The following PITRM1 variants were observed in gnomAD, a reference collection of about 807,000 sequenced individuals.
PITRM1 encodes pitrilysin metallopeptidase 1, also known as presequence protease, mitochondrial.
Under a neutral mutation model 129.9 loss-of-function variants are expected in PITRM1, and 100 were observed. The observed-to-expected ratio is 0.77, with a 90% CI of 0.65 to 0.91. PITRM1 has a LOEUF of 0.91. Among genes scored for constraint, PITRM1 ranks in the 40% least tolerant of loss-of-function variants. The pLI, the probability that PITRM1 is intolerant of heterozygous loss-of-function variation, is 0.00. For missense variants in PITRM1, 1,471 were observed against 1,318.3 expected, an observed-to-expected ratio of 1.12 and a Z score of -1.79; for synonymous variants, 591 against 508.8, an observed-to-expected ratio of 1.16 and a Z score of -2.17.
In PITRM1 at chr10:3,147,620, G is replaced by A. The variant is rs1418133479; in HGVS notation, c.2187C>T (p.Thr729=). The change falls in exon 19 of 27, where the codon ACC becomes ACT. Residue 729 remains threonine (T), a synonymous_variant. Coordinates refer to ENST00000224949, the MANE Select transcript of PITRM1 (RefSeq NM_014889.4). ...CCTGCAGGTCCCCTGCGGGCGTGAG[G>A]GTCCGGCCTGCCCTGATGGATGCGT... ...HLYASIRAGR[T]LTPAGDLQET... 5 of 1,613,926 alleles carry A rather than the reference G, an allele frequency of 3.1e-6. No homozygotes were observed. In the East Asian group the frequency reaches 8.9e-5, roughly 29 times the overall value.
At position 3,166,384 on chromosome 10, in the gene PITRM1, G is replaced by C. The variant is rs1409404025; in HGVS notation, c.267-4C>G. The C allele has an allele frequency of 6.6e-7, 1 of 1,515,402 alleles. No homozygotes were observed. The highest frequency in any genetic ancestry group is 9.1e-7 in the Non-Finnish European group (1 of 1,096,724). 93.9% of individuals were successfully genotyped at this position (1,515,402 alleles called of 1,614,324 possible). On this transcript the variant is annotated splice_polypyrimidine_tract_variant and splice_region_variant and intron_variant, in intron 3 of 26. Coordinates refer to ENST00000224949, the MANE Select transcript of PITRM1 (RefSeq NM_014889.4). ...GGGAGTAGTACGGAACTGCACGCTA[G>C]GGAAGGAGAATGACCAGAACGCAAA... is the stretch of plus-strand genomic sequence containing the variant.
At chr10:3,151,180 G>T (rs1330409256) in intron 15 of PITRM1, 67 bp downstream of exon 15, 1 of 851,438 alleles carries the variant, frequency 1.2e-6, no homozygotes, top group East Asian at 2.6e-5. Context: ...TACTGCTTCT[G>T]TGAGGAGTGA....
intron 11 of PITRM1, among the ~76,000 whole-genome samples, 176 bp from the exon 12 acceptor site, chr10:3,157,707 G>A (rs1365601382): frequency 6.6e-6 from 1 of 152,148 alleles, no homozygotes; most frequent in Non-Finnish European, 1.5e-5. Flanking sequence ...GCATGGTGGT[G>A]TGCACCCTAG....
At chr10:3,155,469 T>C (rs559561727) in intron 14 of PITRM1, 122 bp downstream of exon 14, 6 of 1,232,654 alleles carry the variant, frequency 4.9e-6, no homozygotes, top group African/African-American at 3.0e-5. Context: ...GTGAGCTCTG[T>C]TGGCGCCCAG....
intron 10 of PITRM1, 43 bp from the exon 11 acceptor site, chr10:3,158,196 GTTCA>G (rs1479746643): frequency 1.8e-6 from 2 of 1,092,864 alleles, no homozygotes; most frequent in Non-Finnish European, 2.8e-6. Context: ...ATCCGGGCAC[GTTCA>G]TCATGCCCTC....
intron 16 of PITRM1, chr10:3,149,232 C>T (rs577468024): frequency 1.4e-4 from 24 of 170,000 alleles, no homozygotes; most frequent in Non-Finnish European, 2.3e-4. Context: ...CTAGGGAGGA[C>T]GACAGCAACT....
chr10:3,166,846 T>C, intron 3 of PITRM1, 90 bp downstream of exon 3: 1 of 712,796 alleles, frequency 1.4e-6, no homozygotes, highest in Non-Finnish European at 2.4e-6. Flanking sequence ...GTTGTTCTTC[T>C]TCCATTGTGG....
intron 6 of PITRM1, among the ~76,000 whole-genome samples, chr10:3,164,553 C>T (rs1403507939): frequency 6.6e-6 from 1 of 152,172 alleles, no homozygotes; most frequent in African/African-American, 2.4e-5. Flanking sequence ...ATAACTCCCA[C>T]AAGCTTAGGG....
At chr10:3,165,767 C>T (rs558383111) in intron 4 of PITRM1, among the ~76,000 whole-genome samples, 1 of 152,286 alleles carries the variant, frequency 6.6e-6, no homozygotes, top group Admixed American at 6.5e-5. Flanking sequence ...CTTTCTTCAG[C>T]GAATATCTAA....
intron 2 of PITRM1, among the ~76,000 whole-genome samples, chr10:3,168,236 C>T (rs1005635331): frequency 5.3e-5 from 8 of 152,182 alleles, no homozygotes; most frequent in Admixed American, 2.0e-4. Context: ...ACCACTATGA[C>T]CTGCATCATC....
chr10:3,152,690 T>C (rs1367529823), intron 14 of PITRM1, among the ~76,000 whole-genome samples: 1 of 152,226 alleles, frequency 6.6e-6, no homozygotes, highest in African/African-American at 2.4e-5. Context: ...CCTAACATCC[T>C]GACTTTCCCG....
chr10:3,144,333 G>A lies in PITRM1; in HGVS notation c.2491C>T (p.His831Tyr), dbSNP rs1234764717. ...PVPSSSGGDA[H>Y]VPHGSQVIRK... Reference sequence around the variant, plus strand: ...ATGACCTGGGAGCCATGGGGAACGTGGGCATCTCCACCAGAGCTGCTGGGC... The same window carrying A: ...ATGACCTGGGAGCCATGGGGAACGTAGGCATCTCCACCAGAGCTGCTGGGC... The change falls in exon 22 of 27, where the codon CAC (histidine) becomes TAC (tyrosine). Residue 831 changes from histidine to tyrosine, a missense_variant. His to Tyr is a moderately conservative substitution (Grantham distance 83). Coordinates refer to ENST00000224949, the MANE Select transcript of PITRM1 (RefSeq NM_014889.4). 2 of 1,562,776 alleles carry A rather than the reference G, an allele frequency of 1.3e-6. No homozygotes were observed. The highest frequency in any genetic ancestry group is 1.7e-6 in the Non-Finnish European group (2 of 1,152,352).
At position 3,165,242 on chromosome 10, in the gene PITRM1, G is replaced by C. The variant is rs144796240; in HGVS notation, c.626C>G (p.Ala209Gly). ...KGVVFNEMKG[A>G]FTDNERIFSQ... The stretch of plus-strand genomic sequence containing the variant: ...TAAAAAAGGAAGAAAACTTACAAAC[G>C]CTCCCTTCATCTCATTAAAGACGAC... The change falls in exon 6 of 27, where the codon GCG (alanine) becomes GGG (glycine). Residue 209 changes from alanine (A) to glycine (G), a missense_variant. Physicochemically the swap from Ala to Gly is moderately conservative, Grantham distance 60. Coordinates refer to ENST00000224949, the MANE Select transcript of PITRM1 (RefSeq NM_014889.4). 6.4e-7 allele frequency: 1 copy of C among 1,557,158 alleles called. No homozygotes were observed. The highest frequency in any genetic ancestry group is 1.2e-5 in the South Asian group (1 of 82,776).
At chr10:3,146,359 ATTCT>A (rs1476746133) in intron 20 of PITRM1, 1 of 152,474 alleles carries the variant, frequency 6.6e-6, no homozygotes, top group Non-Finnish European at 1.5e-5. Context: ...CCTTGCAGAT[ATTCT>A]TTCTTTTATT....
intron 7 of PITRM1, among the ~76,000 whole-genome samples, chr10:3,162,169 A>C (rs1283342122): frequency 6.6e-6 from 1 of 151,810 alleles, no homozygotes; most frequent in Non-Finnish European, 1.5e-5. Context: ...AAAAAAAAAA[A>C]AAAAAAAAAA....
At chr10:3,164,131 G>A (rs1403666867) in intron 6 of PITRM1, 8 of 240,058 alleles carry the variant, frequency 3.3e-5, no homozygotes, top group Non-Finnish European at 1.6e-5. Context: ...ATTTTTTGAT[G>A]TGTGGTGCAA....
intron 22 of PITRM1, chr10:3,144,090 C>G: frequency 1.7e-6 from 1 of 595,784 alleles, no homozygotes; most frequent in Non-Finnish European, 3.0e-6. Flanking sequence ...AGGACACACC[C>G]CCACCAGGGC....
chr10:3,162,176 AAAACAAG>A (rs1842507647), intron 7 of PITRM1, among the ~76,000 whole-genome samples: 5 of 151,738 alleles, frequency 3.3e-5, no homozygotes, highest in Admixed American at 3.3e-4. Context: ...AAAAAAAAAA[AAAACAAG>A]ACAGCCTCTT....
chr10:3,141,762 T>C (rs1274044012), intron 23 of PITRM1: 8 of 422,476 alleles, frequency 1.9e-5, no homozygotes, highest in Non-Finnish European at 3.5e-5. Context: ...GGGAGTCAAA[T>C]AGGCCAGGTG....
Sources: allele counts gnomAD v4.1 joint callset (sites outside exome capture counted in the v4.1 genomes callset), GRCh38; gene constraint gnomAD v4.1.1; transcripts MANE v1.5; gene names NCBI Gene and HGNC (gene_info 2026-07-23, HGNC 2026-07-21).